The following ABHD17C variants were observed in gnomAD, a reference collection of about 807,000 sequenced individuals.
ABHD17C encodes alpha/beta hydrolase domain-containing protein 17C.
In ABHD17C, 11 loss-of-function variants were observed where a neutral mutation model predicts 27.9. The ratio of observed to expected loss-of-function variants is 0.39; its 90% CI spans 0.25 to 0.65. The LOEUF is 0.65. Among genes scored for constraint, ABHD17C ranks in the 30% least tolerant of loss-of-function variants. ABHD17C has a pLI of 0.45. For missense variants in ABHD17C, 280 were observed against 470.2 expected (o/e 0.60, Z 3.74); for synonymous variants, 233 against 209.1 (o/e 1.11, Z -0.98).
At chr15:80,741,419 A>C (rs528390209) in intron 1 of ABHD17C, among the ~76,000 whole-genome samples, 1 of 151,496 alleles carries the variant, frequency 6.6e-6, no homozygotes, top group East Asian at 1.9e-4. Flanking sequence ...CAACTTTGGC[A>C]GCAGTTGTCT....
At chr15:80,734,082 T>C (rs2141513128) in intron 1 of ABHD17C, among the ~76,000 whole-genome samples, 1 of 152,224 alleles carries the variant, frequency 6.6e-6, no homozygotes, top group Non-Finnish European at 1.5e-5. Context: ...CGTCCCGGAC[T>C]CAAACCATCC....
At chr15:80,704,287 C>T (rs1041262568) in intron 1 of ABHD17C, among the ~76,000 whole-genome samples, 2 of 152,156 alleles carry the variant, frequency 1.3e-5, no homozygotes, top group Non-Finnish European at 2.9e-5. Flanking sequence ...CATCTCCTGT[C>T]CACATGCCTG....
At chr15:80,734,485 A>G (rs1009476490) in intron 1 of ABHD17C, among the ~76,000 whole-genome samples, 16 of 152,238 alleles carry the variant, frequency 1.1e-4, no homozygotes, top group Admixed American at 5.9e-4. Context: ...TTATACTCAG[A>G]TAAGTTCAAG....
At chr15:80,720,700 C>T (rs1385171277) in intron 1 of ABHD17C, among the ~76,000 whole-genome samples, 1 of 152,130 alleles carries the variant, frequency 6.6e-6, no homozygotes, top group South Asian at 2.1e-4. Flanking sequence ...GCAGGCGGAT[C>T]ACCTGAGGTC....
chr15:80,696,259 G>A (rs7165759), intron 1 of ABHD17C, among the ~76,000 whole-genome samples: 45,823 of 152,170 alleles, frequency 0.3, 7,308 homozygotes, highest in African/African-American at 0.4. Flanking sequence ...AGAGAATTTT[G>A]CCTGCTTTGG....
In ABHD17C at chr15:80,754,377, C is replaced by T; in HGVS notation, c.*7C>T. The T allele has an allele frequency of 6.2e-7, 1 of 1,604,846 alleles. No homozygotes were observed. Among genetic ancestry groups the T allele is most frequent in the Non-Finnish European group, 8.5e-7 (1 of 1,173,714 alleles). On this transcript the variant is annotated 3_prime_UTR_variant, in exon 3 of 3. Coordinates refer to ENST00000258884, the MANE Select transcript of ABHD17C (RefSeq NM_021214.2). ...CGAACTTCCTAATTCCTGAAGACAA[C>T]AACTTGATCTTACCTCATTTACTGT... is the stretch of plus-strand genomic sequence containing the variant.
chr15:80,701,893 A>G (rs1013964902), intron 1 of ABHD17C, among the ~76,000 whole-genome samples: 24 of 152,272 alleles, frequency 1.6e-4, no homozygotes, highest in Admixed American at 1.2e-3. Flanking sequence ...GTCCACCTTC[A>G]GCCTGTTTCC....
At chr15:80,724,724 A>G (rs1180459673) in intron 1 of ABHD17C, among the ~76,000 whole-genome samples, 1 of 152,126 alleles carries the variant, frequency 6.6e-6, no homozygotes, top group African/African-American at 2.4e-5. Flanking sequence ...ATGCTCCTGC[A>G]CAAAAGTAAC....
At chr15:80,742,491 C>G (rs1895224235) in intron 1 of ABHD17C, among the ~76,000 whole-genome samples, 1 of 152,170 alleles carries the variant, frequency 6.6e-6, no homozygotes, top group African/African-American at 2.4e-5. Context: ...TTTGTTCTAT[C>G]TGGGCCCTCA....
intron 1 of ABHD17C, chr15:80,703,274 C>G (rs1010284940): frequency 2.6e-5 from 4 of 152,248 alleles, no homozygotes; most frequent in African/African-American, 4.8e-5. Flanking sequence ...GCCTGATCAC[C>G]CGTTAAGGGT....
At chr15:80,719,908 C>G (rs186456928) in intron 1 of ABHD17C, among the ~76,000 whole-genome samples, 76 of 152,268 alleles carry the variant, frequency 5.0e-4, no homozygotes, top group African/African-American at 1.8e-3. Flanking sequence ...AACAATCCTC[C>G]CACCTCAGCC....
chr15:80,718,614 A>G (rs1894842452), intron 1 of ABHD17C, among the ~76,000 whole-genome samples: 2 of 152,174 alleles, frequency 1.3e-5, no homozygotes, highest in African/African-American at 2.4e-5. Flanking sequence ...GATTACAGGC[A>G]TGAGCCACCC....
At chr15:80,732,817 G>T (rs563515223) in intron 1 of ABHD17C, among the ~76,000 whole-genome samples, 1 of 152,308 alleles carries the variant, frequency 6.6e-6, no homozygotes, top group African/African-American at 2.4e-5. Context: ...GCAAGAGTGG[G>T]CAGTGCTGAG....
At chr15:80,713,665 C>T (rs937218269) in intron 1 of ABHD17C, among the ~76,000 whole-genome samples, 1 of 151,718 alleles carries the variant, frequency 6.6e-6, no homozygotes, top group Non-Finnish European at 1.5e-5. Context: ...AAAAATTAGC[C>T]GAGCGTGGTG....
chr15:80,728,907 G>A (rs1375028558), intron 1 of ABHD17C, among the ~76,000 whole-genome samples: 2 of 152,144 alleles, frequency 1.3e-5, no homozygotes, highest in Non-Finnish European at 2.9e-5. Flanking sequence ...CACCACGCCC[G>A]GCCTAAAGCA....
chr15:80,698,210 G>T (rs188272658), intron 1 of ABHD17C, among the ~76,000 whole-genome samples: 1 of 151,642 alleles, frequency 6.6e-6, no homozygotes, highest in African/African-American at 2.4e-5. Flanking sequence ...GACTACAGGC[G>T]CCCGCCACCG....
intron 1 of ABHD17C, among the ~76,000 whole-genome samples, chr15:80,730,816 A>T (rs1368346733): frequency 6.6e-6 from 1 of 152,118 alleles, no homozygotes; most frequent in African/African-American, 2.4e-5. Context: ...GGTTATAAGG[A>T]TATTGTAATT....
intron 1 of ABHD17C, among the ~76,000 whole-genome samples, chr15:80,739,733 A>G (rs182759020): frequency 1.4e-4 from 21 of 152,332 alleles, no homozygotes; most frequent in Admixed American, 9.2e-4. Context: ...CATGAGCCAA[A>G]TAAACCTCTG....
chr15:80,732,459 A>G (rs1476515081), intron 1 of ABHD17C, among the ~76,000 whole-genome samples: 2 of 152,166 alleles, frequency 1.3e-5, no homozygotes, highest in South Asian at 2.1e-4. Context: ...TTCCTTCTCT[A>G]TGAAATAAAG....
Sources: gnomAD v4.1 joint callset for allele counts (sites outside exome capture counted in the v4.1 genomes callset) on GRCh38, gnomAD v4.1.1 for gene constraint, MANE v1.5 for transcripts, NCBI Gene and HGNC (gene_info 2026-07-23, HGNC 2026-07-21) for gene names.